MTCL2: variants seen among roughly 807,000 people sequenced by gnomAD.
MTCL2 encodes microtubule crosslinking factor 2, also known as microtubule cross-linking factor 2.
At chr20:36,804,328 T>G in the MTCL2 span, among the ~76,000 whole-genome samples, 2 of 152,150 alleles carry the variant, frequency 1.3e-5, no homozygotes, top group African/African-American at 4.8e-5. Flanking sequence ...CCAGGGCTCC[T>G]GGTTAAGGCT....
chr20:36,863,396 G>T, the MTCL2 span: 1 of 1,134,212 alleles, frequency 8.8e-7, no homozygotes, highest in Non-Finnish European at 1.1e-6. This position sits in a 1 kb window ranked among gnomAD's most constrained non-coding sequence, Gnocchi z 6.2. Flanking sequence ...GGCCCGCCCG[G>T]CCTCGACGTC....
chr20:36,854,614 G>A, the MTCL2 span, among the ~76,000 whole-genome samples: 5 of 152,178 alleles, frequency 3.3e-5, no homozygotes, highest in Admixed American at 1.3e-4. Context: ...TCCACCATGG[G>A]GTAGGGTCAA....
At chr20:36,788,200 CAA>C in the MTCL2 span, among the ~76,000 whole-genome samples, 43 of 76,660 alleles carry the variant, frequency 5.6e-4, no homozygotes, top group African/African-American at 1.3e-3. Context: ...GACTCCATCT[CAA>C]AAAAAAAAAA....
At chr20:36,786,538 G>A in the MTCL2 span, 1 of 1,551,026 alleles carries the variant, frequency 6.4e-7, no homozygotes, top group Non-Finnish European at 8.7e-7. Context: ...GACTCTGAAG[G>A]GTGCAGCCTG....
chr20:36,836,794 G>A, the MTCL2 span, among the ~76,000 whole-genome samples: 11 of 152,030 alleles, frequency 7.2e-5, no homozygotes, highest in Admixed American at 2.6e-4. Context: ...CACCTCTGGC[G>A]GAGACACAAC....
the MTCL2 span, among the ~76,000 whole-genome samples, chr20:36,848,298 C>G: frequency 6.6e-6 from 1 of 152,202 alleles, no homozygotes; most frequent in African/African-American, 2.4e-5. Flanking sequence ...TCTCTGTCCA[C>G]CCCCTGCCAA....
the MTCL2 span, among the ~76,000 whole-genome samples, chr20:36,831,069 A>G: frequency 6.6e-6 from 1 of 152,206 alleles, no homozygotes; most frequent in Admixed American, 6.5e-5. Context: ...CATTCCTGGT[A>G]GACACCCTCT....
At chr20:36,863,077 C>G in the MTCL2 span, 1 of 1,402,258 alleles carries the variant, frequency 7.1e-7, no homozygotes, top group South Asian at 1.4e-5. This position sits in a 1 kb window ranked among gnomAD's most constrained non-coding sequence, Gnocchi z 6.2. Flanking sequence ...GTGCGGACCC[C>G]GGCCACCCGC....
chr20:36,821,360 A>G, the MTCL2 span, among the ~76,000 whole-genome samples: 1 of 152,174 alleles, frequency 6.6e-6, no homozygotes, highest in East Asian at 1.9e-4. Context: ...CGTCTCTACT[A>G]AAAATACAAA....
the MTCL2 span, among the ~76,000 whole-genome samples, chr20:36,843,243 G>A: frequency 1.3e-5 from 2 of 152,212 alleles, no homozygotes. Flanking sequence ...GGTCAGCCTG[G>A]TAGGATGGCT....
At chr20:36,839,339 C>T in the MTCL2 span, 2 of 1,612,912 alleles carry the variant, frequency 1.2e-6, no homozygotes, top group Non-Finnish European at 1.7e-6. The surrounding 1 kb of genome is among the most constrained non-coding windows in gnomAD (Gnocchi z 5.1). Context: ...GTCTTGCTGG[C>T]CTGGTCCAGC....
the MTCL2 span, among the ~76,000 whole-genome samples, chr20:36,787,326 C>G: frequency 6.6e-6 from 1 of 152,072 alleles, no homozygotes; most frequent in South Asian, 2.1e-4. Flanking sequence ...CTCACGGATT[C>G]AAGTGATTCT....
chr20:36,821,598 G>T, the MTCL2 span, among the ~76,000 whole-genome samples: 1 of 151,968 alleles, frequency 6.6e-6, no homozygotes, highest in African/African-American at 2.4e-5. Flanking sequence ...TGTGTCTGTA[G>T]TCCTAGCTAC....
chr20:36,838,910 A>C, the MTCL2 span, among the ~76,000 whole-genome samples: 3 of 152,086 alleles, frequency 2.0e-5, no homozygotes, highest in African/African-American at 7.2e-5. Flanking sequence ...CAGAAGTTGC[A>C]GTGAGCTGAG....
chr20:36,856,966 C>A, the MTCL2 span, among the ~76,000 whole-genome samples: 1 of 152,192 alleles, frequency 6.6e-6, no homozygotes, highest in Admixed American at 6.5e-5. Context: ...TGTGCTGTGT[C>A]CCTGCTGATG....
chr20:36,810,738 C>CTCTCTCTCTA, the MTCL2 span, among the ~76,000 whole-genome samples: 18 of 149,628 alleles, frequency 1.2e-4, 1 homozygote, highest in African/African-American at 2.9e-4. Flanking sequence ...CTCTCTCTCT[C>CTCTCTCTCTA]TCTCTCTCTC....
chr20:36,837,048 G>A, the MTCL2 span, among the ~76,000 whole-genome samples: 2 of 152,196 alleles, frequency 1.3e-5, no homozygotes, highest in Non-Finnish European at 2.9e-5. Context: ...CCAGGTAAGT[G>A]TGTGGCTGAC....
the MTCL2 span, among the ~76,000 whole-genome samples, chr20:36,842,378 AATT>A: frequency 6.6e-6 from 1 of 151,956 alleles, no homozygotes; most frequent in Non-Finnish European, 1.5e-5. Context: ...AGAAATGCAT[AATT>A]ATTATGTCTC....
At chr20:36,810,723 T>TCC in the MTCL2 span, among the ~76,000 whole-genome samples, 3 of 139,330 alleles carry the variant, frequency 2.2e-5, no homozygotes, top group South Asian at 2.5e-4. Context: ...TCTCCCTCTC[T>TCC]CTCTCTCTCT....
Sources: gnomAD v4.1 joint callset for allele counts (sites outside exome capture counted in the v4.1 genomes callset) on GRCh38, gnomAD v4.1.1 for gene constraint, Gnocchi (gnomAD v3.1) non-coding constraint, MANE v1.5 for transcripts, NCBI Gene and HGNC (gene_info 2026-07-23, HGNC 2026-07-21) for gene names.